The following TRPM7 variants were observed in gnomAD, a reference collection of about 807,000 sequenced individuals.
The protein encoded by TRPM7 is transient receptor potential cation channel subfamily M member 7, also known as LTRPC ion channel family member 7.
Under a neutral mutation model 229.7 loss-of-function variants are expected in TRPM7, and 134 were observed. That is an observed-to-expected ratio of 0.58 (90% CI 0.51 to 0.67). TRPM7 has a LOEUF of 0.67. Ranked by LOEUF, TRPM7 falls within the 30% of genes least tolerant of loss-of-function variation. The probability of loss-of-function intolerance (pLI) is 0.00; values close to 1 mark genes in which losing one functional copy is unlikely to be tolerated. For synonymous variants in TRPM7, 699 were observed against 715.2 expected (o/e 0.98, Z 0.36); for missense variants, 1,901 against 2,210.0 (o/e 0.86, Z 2.80).
rs139984273 is a variant in TRPM7, at chr15:50,578,150, T to A, written c.4618+489A>T. 8.5e-5 allele frequency among the ~76,000 whole-genome samples: 13 copies of A among 152,302 alleles called. No homozygotes were observed. The East Asian group carries it at 2.5e-3, about 29-fold the overall frequency. On this transcript the variant is annotated intron_variant, in intron 31 of 38. Coordinates refer to ENST00000646667, the MANE Select transcript of TRPM7 (RefSeq NM_017672.6). ...GCTGATTACATGGCTATACTTACTTTGAAAGAATTCACTGAATTCTGCACT... is the reference window on the plus strand; with the variant it reads ...GCTGATTACATGGCTATACTTACTTAGAAAGAATTCACTGAATTCTGCACT...
chr15:50,617,830 A>G (rs1250830699), intron 13 of TRPM7, among the ~76,000 whole-genome samples: 3 of 151,694 alleles, frequency 2.0e-5, no homozygotes, highest in Admixed American at 2.0e-4. Context: ...CTAATTTTTA[A>G]ATTTTTTTGT....
intron 2 of TRPM7, 67 bp downstream of exon 2, chr15:50,662,900 A>C: frequency 8.7e-7 from 1 of 1,144,712 alleles, no homozygotes. Context: ...GTTTCCAATA[A>C]AGAAATAACA....
At chr15:50,590,679 C>T (rs2059464942) in intron 26 of TRPM7, among the ~76,000 whole-genome samples, 1 of 152,030 alleles carries the variant, frequency 6.6e-6, no homozygotes, top group Admixed American at 6.6e-5. Context: ...TGGAAATTAG[C>T]CAGGTGTGGT....
Position 50,591,904 on chromosome 15 carries a change from A to G in TRPM7, c.4324+7T>C, listed in dbSNP as rs2059506399. On this transcript the variant is annotated splice_region_variant and intron_variant, in intron 26 of 38. Coordinates refer to ENST00000646667, the MANE Select transcript of TRPM7 (RefSeq NM_017672.6). ...TTGATATACAAATACGAATTTGCCA[A>G]ACTTACCTACAAATGCTCCAAATTC... 1 of 1,535,852 alleles carries G rather than the reference A, an allele frequency of 6.5e-7. No individual in the cohort carries two copies. The highest frequency in any genetic ancestry group is 8.7e-7 in the Non-Finnish European group (1 of 1,146,844).
chr15:50,679,530 A>ATATATGTG (rs1567129424), intron 1 of TRPM7, among the ~76,000 whole-genome samples: 4 of 44,846 alleles, frequency 8.9e-5, no homozygotes, highest in African/African-American at 4.2e-4. Flanking sequence ...ATATATATAT[A>ATATATGTG]TATATATATT....
Position 50,686,557 on chromosome 15 carries a change from A to C in TRPM7, c.-24T>G. On this transcript the variant is annotated 5_prime_UTR_variant, in exon 1 of 39. Transcript: ENST00000646667. The stretch of plus-strand genomic sequence containing the variant: ...ATTCTCCTCACGGGGCGGACTCCGG[A>C]AGGGCAGCAACTCCACCTCCTCCTC... 6.2e-7 allele frequency: 1 copy of C among 1,609,518 alleles called. No homozygotes were observed. The highest frequency in any genetic ancestry group is 1.3e-5 in the African/African-American group (1 of 74,658).
At chr15:50,685,106 C>G (rs745519515) in intron 1 of TRPM7, among the ~76,000 whole-genome samples, 4 of 152,216 alleles carry the variant, frequency 2.6e-5, no homozygotes, top group Non-Finnish European at 4.4e-5. Flanking sequence ...ATGGTTGAAG[C>G]TGTTGAAACT....
chr15:50,611,439 TATG>T, intron 16 of TRPM7, 118 bp from the exon 17 acceptor site: 1 of 750,190 alleles, frequency 1.3e-6, no homozygotes, highest in Admixed American at 2.9e-5. Context: ...CTTACAGAAT[TATG>T]AGGCATTAAA....
At chr15:50,684,726 C>T (rs1397579002) in intron 1 of TRPM7, among the ~76,000 whole-genome samples, 3 of 152,060 alleles carry the variant, frequency 2.0e-5, no homozygotes, top group Non-Finnish European at 4.4e-5. Context: ...AAAATCCAAA[C>T]TGATGGAAAT....
At chr15:50,627,597 A>T (rs2060604048) in intron 11 of TRPM7, among the ~76,000 whole-genome samples, 1 of 152,212 alleles carries the variant, frequency 6.6e-6, no homozygotes, top group Non-Finnish European at 1.5e-5. Flanking sequence ...TCCTGTCCAT[A>T]AAAGGAGAGC....
intron 13 of TRPM7, among the ~76,000 whole-genome samples, chr15:50,617,131 AAAATAAAT>A (rs201318883): frequency 0.015 from 2,022 of 137,370 alleles, 27 homozygotes; most frequent in African/African-American, 0.029. Context: ...CTCTACCAAA[AAAATAAAT>A]AAATAAATAA....
At chr15:50,632,806 T>C in intron 9 of TRPM7, 63 bp downstream of exon 9, 1 of 1,395,704 alleles carries the variant, frequency 7.2e-7, no homozygotes, top group Non-Finnish European at 9.5e-7. Context: ...CAGTTTAGAA[T>C]GTGTTTTGAA....
At chr15:50,672,242 A>G (rs1165987276) in intron 1 of TRPM7, among the ~76,000 whole-genome samples, 2 of 151,900 alleles carry the variant, frequency 1.3e-5, no homozygotes, top group East Asian at 3.9e-4. Context: ...TTTAGTAGAG[A>G]CATTTTCACC....
chr15:50,623,343 C>T (rs1411649260), intron 12 of TRPM7, among the ~76,000 whole-genome samples: 5 of 150,518 alleles, frequency 3.3e-5, no homozygotes, highest in East Asian at 3.9e-4. Context: ...ACCAGGGAGG[C>T]GGAGGCTGCA....
chr15:50,597,193 C>T (rs1487687765), intron 22 of TRPM7, among the ~76,000 whole-genome samples: 1 of 152,060 alleles, frequency 6.6e-6, no homozygotes, highest in Non-Finnish European at 1.5e-5. Context: ...TTCATTACCC[C>T]TAACTGAAAA....
At chr15:50,578,736 AT>A in intron 30 of TRPM7, 72 bp from the exon 31 acceptor site, 4 of 1,056,158 alleles carry the variant, frequency 3.8e-6, no homozygotes, top group Non-Finnish European at 4.0e-6. Flanking sequence ...TAATTTTTTG[AT>A]TTTATACAAT....
chr15:50,649,480 A>T (rs924257824), intron 3 of TRPM7, among the ~76,000 whole-genome samples: 1 of 152,072 alleles, frequency 6.6e-6, no homozygotes, highest in Non-Finnish European at 1.5e-5. Context: ...ATACTATCCA[A>T]TAATAAAGAG....
chr15:50,580,937 A>G, intron 29 of TRPM7, 29 bp from the exon 30 acceptor site: 1 of 1,566,414 alleles, frequency 6.4e-7, no homozygotes, highest in Non-Finnish European at 8.6e-7. Context: ...ACACACACAC[A>G]AAAACCTTAA....
At position 50,591,990 on chromosome 15, in the gene TRPM7, C is replaced by G; in HGVS notation, c.4245G>C (p.Leu1415Phe). 6.2e-7 allele frequency: 1 copy of G among 1,610,652 alleles called. No individual in the cohort carries two copies. The highest frequency in any genetic ancestry group is 8.5e-7 in the Non-Finnish European group (1 of 1,179,026). The change falls in exon 26 of 39, where the codon TTG becomes TTC. Residue 1415 changes from leucine (L) to phenylalanine (F), a missense_variant. Physicochemically the swap from Leu to Phe is conservative, Grantham distance 22 (BLOSUM62 0). Transcript: ENST00000646667. ...TPSQPSCKSH[L>F]ETGTKDQETV... ...TTTCTTGATCTTTGGTTCCAGTTTCCAAGTGGCTTTTGCAACTTGGCTGAG... is the reference window on the plus strand; with the variant it reads ...TTTCTTGATCTTTGGTTCCAGTTTCGAAGTGGCTTTTGCAACTTGGCTGAG...
Sources: gnomAD v4.1 joint callset for allele counts (sites outside exome capture counted in the v4.1 genomes callset) on GRCh38, gnomAD v4.1.1 for gene constraint, MANE v1.5 for transcripts, NCBI Gene and HGNC (gene_info 2026-07-23, HGNC 2026-07-21) for gene names.